The following LRRFIP1 variants were observed in gnomAD, a reference collection of about 807,000 sequenced individuals.
LRRFIP1 encodes LRR binding FLII interacting protein 1, also known as leucine-rich repeat flightless-interacting protein 1.
Under a neutral mutation model 104.4 loss-of-function variants are expected in LRRFIP1, and 62 were observed. The ratio of observed to expected loss-of-function variants is 0.59; its 90% CI spans 0.48 to 0.73. The LOEUF (loss-of-function observed/expected upper bound fraction) is 0.73. LRRFIP1 is among the 30% of genes least tolerant of loss of function. The pLI is 0.00. For synonymous variants in LRRFIP1, 300 were observed against 299.0 expected (o/e 1.00, Z -0.03); for missense variants, 796 against 824.5 (o/e 0.97, Z 0.42).
rs114362043 is a variant in LRRFIP1, at chr2:237,724,310, T to C, written c.384+724T>C. Among the ~76,000 whole-genome samples, 1,099 of 152,362 alleles carry C rather than the reference T, an allele frequency of 7.2e-3. 16 individuals are homozygous for C. Among genetic ancestry groups the C allele is most frequent in the African/African-American group, 0.025 (1,045 of 41,584 alleles). On this transcript the variant is annotated intron_variant, in intron 7 of 23. Coordinates refer to ENST00000308482, the MANE Select transcript of LRRFIP1 (RefSeq NM_001137550.2). ...ACTATTTCACCTGAAGGACTTTACC[T>C]AAAAGCAGTTTGTGCTTCATTTGCT...
chr2:237,710,387 G>C lies in LRRFIP1; in HGVS notation c.183+1757G>C, dbSNP rs570808188. 5.0e-3 allele frequency among the ~76,000 whole-genome samples: 753 copies of C among 151,784 alleles called. 4 individuals are homozygous for C. Among genetic ancestry groups the C allele is most frequent in the Non-Finnish European group, 5.7e-3 (386 of 67,956 alleles). ...CAACCTCCCTCTCCTGGGTTCAAGCGATTCTCCTGCCTCAGCCTCCTGAGT... is the reference window on the plus strand; with the variant it reads ...CAACCTCCCTCTCCTGGGTTCAAGCCATTCTCCTGCCTCAGCCTCCTGAGT... On this transcript the variant is annotated intron_variant, in intron 2 of 23. Transcript: ENST00000308482.
chr2:237,708,278 G>A (rs2093911528), intron 1 of LRRFIP1, among the ~76,000 whole-genome samples: 1 of 152,218 alleles, frequency 6.6e-6, no homozygotes, highest in Non-Finnish European at 1.5e-5. Context: ...GCCTAATGAG[G>A]CTGTTGCAAG....
At chr2:237,749,456 A>G in intron 13 of LRRFIP1, 132 bp downstream of exon 13, 2 of 1,073,356 alleles carry the variant, frequency 1.9e-6, no homozygotes, top group Non-Finnish European at 2.7e-6. Context: ...CACCTCCCCT[A>G]AAATACGGTG....
At chr2:237,778,577 G>A (rs2061286264) in intron 23 of LRRFIP1, among the ~76,000 whole-genome samples, 1 of 152,112 alleles carries the variant, frequency 6.6e-6, no homozygotes, top group East Asian at 1.9e-4. Flanking sequence ...CTCAGCTCTT[G>A]TTGTTTGTGT....
chr2:237,740,797 C>G (rs1449408356), intron 11 of LRRFIP1, among the ~76,000 whole-genome samples: 4 of 152,182 alleles, frequency 2.6e-5, no homozygotes, highest in Admixed American at 1.3e-4. Flanking sequence ...AACTGCACAG[C>G]CTCCACCCCA....
rs753207318 is a variant in LRRFIP1 at position 237,753,378 on chromosome 2, A to G, written c.937A>G (p.Lys313Glu). 1 of 1,607,288 alleles carries G rather than the reference A, an allele frequency of 6.2e-7. No individual in the cohort carries two copies. The highest frequency in any genetic ancestry group is 1.3e-5 in the African/African-American group (1 of 74,460). Residue 313 changes from lysine to glutamate, a missense_variant, in exon 15 of 24, where the codon AAG becomes GAG. Lys to Glu is a moderately conservative substitution (Grantham distance 56). Coordinates refer to ENST00000308482, the MANE Select transcript of LRRFIP1 (RefSeq NM_001137550.2). ...TTCCAATGCTCAGCTAGACAATGAA[A>G]AGACAAACTTCATGTACCAGGTTGA... ...MVSNAQLDNE[K>E]TNFMYQVDTL...
chr2:237,669,447 G>A (rs1313500367), intron 1 of LRRFIP1, among the ~76,000 whole-genome samples: 2 of 152,162 alleles, frequency 1.3e-5, no homozygotes, highest in East Asian at 1.9e-4. Flanking sequence ...TTTTCAAATC[G>A]TCAAAACGTG....
chr2:237,708,251 G>A (rs2093910081), intron 1 of LRRFIP1, among the ~76,000 whole-genome samples: 1 of 152,196 alleles, frequency 6.6e-6, no homozygotes, highest in Non-Finnish European at 1.5e-5. Context: ...TTTAAACTGG[G>A]GATGGTAACA....
chr2:237,675,362 T>G (rs968904213), intron 1 of LRRFIP1, among the ~76,000 whole-genome samples: 1 of 152,250 alleles, frequency 6.6e-6, no homozygotes, highest in Non-Finnish European at 1.5e-5. Context: ...TATATCAGGA[T>G]TTAAAAATAT....
chr2:237,697,825 C>T (rs2093291690), intron 1 of LRRFIP1, among the ~76,000 whole-genome samples: 1 of 151,064 alleles, frequency 6.6e-6, no homozygotes, highest in East Asian at 1.9e-4. Flanking sequence ...CCTCGCCTCT[C>T]AGTCCCGCAC....
chr2:237,776,909 T>G (rs1181071165), intron 23 of LRRFIP1, among the ~76,000 whole-genome samples: 1 of 152,236 alleles, frequency 6.6e-6, no homozygotes, highest in Non-Finnish European at 1.5e-5. Context: ...GGACTCGTTT[T>G]CACCATCTGA....
intron 21 of LRRFIP1, 36 bp from the exon 22 acceptor site, chr2:237,772,830 G>C (rs2060768629): frequency 3.6e-6 from 5 of 1,380,044 alleles, no homozygotes; most frequent in Non-Finnish European, 5.2e-6. Flanking sequence ...AAAAGCCCAA[G>C]AGCTTAACAG....
At chr2:237,680,482 G>A (rs2091687988) in intron 1 of LRRFIP1, among the ~76,000 whole-genome samples, 1 of 152,194 alleles carries the variant, frequency 6.6e-6, no homozygotes, top group Non-Finnish European at 1.5e-5. Flanking sequence ...GGAACCTAGA[G>A]ATGATTCAAG....
At chr2:237,764,042 C>T in intron 19 of LRRFIP1, 2 of 1,614,124 alleles carry the variant, frequency 1.2e-6, no homozygotes, top group Non-Finnish European at 1.7e-6. Context: ...CTTGTCGGCA[C>T]CAGGAAGAGA....
chr2:237,744,067 A>T (rs972386778), intron 11 of LRRFIP1, among the ~76,000 whole-genome samples: 1 of 152,210 alleles, frequency 6.6e-6, no homozygotes, highest in Non-Finnish European at 1.5e-5. Flanking sequence ...TTTTTGTTGC[A>T]CAAAGAGGCA....
rs551125390 is a variant in LRRFIP1, at chr2:237,779,782, C to T, written c.*250C>T. On this transcript the variant is annotated 3_prime_UTR_variant, in exon 24 of 24. Transcript: ENST00000308482. ...TCAGAACCTGCAGGTACTTCATAAG[C>T]ACACAGGGGCCTCGAGGGAGCTCTG... 1.7e-5 allele frequency: 6 copies of T among 350,512 alleles called. No individual in the cohort carries two copies. The South Asian group carries it at 2.0e-4, about 12-fold the overall frequency. 21.7% of individuals were successfully genotyped at this position (350,512 alleles called of 1,614,324 possible). A position where few individuals can be genotyped will look rare whatever the true frequency, so the allele number is the denominator to read the frequency against.
chr2:237,666,413 C>T (rs2149500088), intron 1 of LRRFIP1, among the ~76,000 whole-genome samples: 1 of 152,398 alleles, frequency 6.6e-6, no homozygotes, highest in East Asian at 1.9e-4. Flanking sequence ...TAATCTATAA[C>T]TGTGAAACAC....
chr2:237,769,658 C>T (rs1420738756), intron 19 of LRRFIP1: 3 of 388,616 alleles, frequency 7.7e-6, no homozygotes, highest in African/African-American at 6.0e-5. Context: ...CGTGGTTTGG[C>T]CCTAGCGTTC....
At chr2:237,748,860 C>T (rs1017380427) in intron 12 of LRRFIP1, among the ~76,000 whole-genome samples, 1 of 152,160 alleles carries the variant, frequency 6.6e-6, no homozygotes, top group African/African-American at 2.4e-5. Context: ...GGGTAATTTA[C>T]AAAGAAAAGA....
Sources: gnomAD v4.1 joint callset for allele counts (sites outside exome capture counted in the v4.1 genomes callset) on GRCh38, gnomAD v4.1.1 for gene constraint, MANE v1.5 for transcripts, NCBI Gene and HGNC (gene_info 2026-07-23, HGNC 2026-07-21) for gene names.